The following CDH18 variants were observed in gnomAD, a reference collection of about 807,000 sequenced individuals.
CDH18 encodes cadherin-18.
CDH18 carries 31 observed loss-of-function variants against 67.9 expected under a neutral mutation model. The observed-to-expected ratio is 0.46, with a 90% CI of 0.34 to 0.62. CDH18 has a LOEUF of 0.62. CDH18 is among the 20% of genes least tolerant of loss of function. CDH18 has a pLI of 0.01. For missense variants in CDH18, 890 were observed against 975.5 expected (o/e 0.91, Z 1.17); for synonymous variants, 362 against 347.2 (o/e 1.04, Z -0.48).
intron 3 of CDH18, among the ~76,000 whole-genome samples, chr5:19,753,311 T>C (rs913181705): frequency 6.6e-6 from 1 of 151,944 alleles, no homozygotes; most frequent in African/African-American, 2.4e-5. Context: ...AAGGGAGAAA[T>C]AGTCAATGAA....
chr5:19,940,487 G>GA (rs1361131758), intron 2 of CDH18, among the ~76,000 whole-genome samples: 5 of 151,890 alleles, frequency 3.3e-5, no homozygotes, highest in African/African-American at 1.2e-4. Context: ...CTACACTTAG[G>GA]AAAAAAATCC....
intron 2 of CDH18, among the ~76,000 whole-genome samples, chr5:20,044,709 TG>T (rs1444426122): frequency 6.6e-6 from 1 of 152,138 alleles, no homozygotes; most frequent in African/African-American, 2.4e-5. Flanking sequence ...GCTAGATTTA[TG>T]TAAGCAGTTA....
chr5:19,719,935 AAGAAAG>A (rs1052680655), intron 5 of CDH18, among the ~76,000 whole-genome samples: 1 of 151,366 alleles, frequency 6.6e-6, no homozygotes, highest in African/African-American at 2.4e-5. Flanking sequence ...GAAAGAAAGA[AAGAAAG>A]AAAGAAAGAA....
intron 2 of CDH18, among the ~76,000 whole-genome samples, chr5:19,897,242 G>GA (rs952206535): frequency 2.0e-5 from 3 of 151,922 alleles, no homozygotes; most frequent in Non-Finnish European, 2.9e-5. Context: ...AAGCCACAGT[G>GA]AAAAAAAGAA....
chr5:20,278,177 A>C lies in CDH18; in HGVS notation c.-579-22672T>G, dbSNP rs141385457. Among the ~76,000 whole-genome samples, 500 of 152,278 alleles carry C rather than the reference A, an allele frequency of 3.3e-3. 7 individuals carry two copies. The highest frequency in any genetic ancestry group is 0.026 in the South Asian group (127 of 4,828). ...ACAAGAAAGTTATAGAACACCAAGC[A>C]GATGTAACAGAAATAAACTATGTCA... On this transcript the variant is annotated intron_variant, in intron 1 of 14. Transcript: ENST00000507958.
At position 20,014,095 on chromosome 5, in the gene CDH18, C is replaced by T. The variant is rs2388128; in HGVS notation, c.-517-22081G>A. On this transcript the variant is annotated intron_variant, in intron 2 of 14. Coordinates refer to the CDH18 transcript ENST00000507958. ...TATAGAAAATAAGAATAGGCATTCC[C>T]CAAATATGACAGAGAGGCATAGAGG... 8.2e-3 allele frequency among the ~76,000 whole-genome samples: 1,246 copies of T among 152,170 alleles called. 20 individuals carry two copies. Among genetic ancestry groups the T allele is most frequent in the African/African-American group, 0.028 (1,167 of 41,542 alleles).
intron 6 of CDH18, among the ~76,000 whole-genome samples, chr5:19,604,565 A>G: frequency 6.6e-6 from 1 of 151,458 alleles, no homozygotes; most frequent in Non-Finnish European, 1.5e-5. Flanking sequence ...ACACACACAC[A>G]CACACACACA....
chr5:19,723,062 T>C (rs1335902971), intron 4 of CDH18, among the ~76,000 whole-genome samples: 1 of 151,996 alleles, frequency 6.6e-6, no homozygotes, highest in Non-Finnish European at 1.5e-5. Context: ...GAATTTTTTT[T>C]TGTTAACACA....
intron 1 of CDH18, among the ~76,000 whole-genome samples, chr5:19,985,380 G>T (rs1348424883): frequency 6.6e-6 from 1 of 152,080 alleles, no homozygotes; most frequent in Non-Finnish European, 1.5e-5. Flanking sequence ...TTCCCACTGA[G>T]TGGTTCTCAA....
At chr5:19,898,404 T>C (rs1337232690) in intron 2 of CDH18, among the ~76,000 whole-genome samples, 1 of 152,032 alleles carries the variant, frequency 6.6e-6, no homozygotes, top group Non-Finnish European at 1.5e-5. Flanking sequence ...TAGTGATATA[T>C]AGGCAATATT....
chr5:19,731,418 T>C (rs748519368), intron 4 of CDH18, among the ~76,000 whole-genome samples: 1 of 152,036 alleles, frequency 6.6e-6, no homozygotes, highest in Non-Finnish European at 1.5e-5. Context: ...CCCACTGCAC[T>C]CCAGCCTGGG....
intron 1 of CDH18, among the ~76,000 whole-genome samples, chr5:20,381,483 G>A (rs11738758): frequency 6.6e-6 from 1 of 152,022 alleles, no homozygotes; most frequent in African/African-American, 2.4e-5. Flanking sequence ...GTTGTCTCAA[G>A]GGGTCCCACT....
chr5:20,505,487 T>C (rs1439672319), intron 1 of CDH18, among the ~76,000 whole-genome samples: 1 of 152,216 alleles, frequency 6.6e-6, no homozygotes, highest in African/African-American at 2.4e-5. Flanking sequence ...AACTAATATT[T>C]CATAATTTCA....
At position 19,868,570 on chromosome 5, in the gene CDH18, G is replaced by A. The variant is rs761119167; in HGVS notation, c.-256-29328C>T. 7.9e-5 allele frequency among the ~76,000 whole-genome samples: 12 copies of A among 152,244 alleles called. No homozygotes were observed. In the Middle Eastern group the frequency reaches 0.02, roughly 259 times the overall value. ...ATTATAGTTTGACTCAGACTCAAAC[G>A]TACCACTTTGTGGAAAATATGTATA... On this transcript the variant is annotated intron_variant, in intron 2 of 12. Transcript: ENST00000382275.
intron 2 of CDH18, among the ~76,000 whole-genome samples, chr5:19,850,739 G>A (rs1467405393): frequency 6.6e-6 from 1 of 151,766 alleles, no homozygotes; most frequent in Non-Finnish European, 1.5e-5. Flanking sequence ...ATTGTTTAAG[G>A]TGTTACTAAA....
At chr5:19,985,337 A>G (rs1283384865) in intron 1 of CDH18, among the ~76,000 whole-genome samples, 1 of 152,056 alleles carries the variant, frequency 6.6e-6, no homozygotes, top group African/African-American at 2.4e-5. Context: ...ACTTTTTTCT[A>G]TATACATCCT....
In CDH18 at chr5:20,527,128, T is replaced by C. The variant is rs111281188; in HGVS notation, c.-580+48334A>G. Among the ~76,000 whole-genome samples, 27 of 152,158 alleles carry C rather than the reference T, an allele frequency of 1.8e-4. 3 individuals are homozygous for C. The highest frequency in any genetic ancestry group is 6.3e-4 in the African/African-American group (26 of 41,462). On this transcript the variant is annotated intron_variant, in intron 1 of 14. Coordinates refer to the CDH18 transcript ENST00000507958. ...TTTATGATGAAAACACAAGTATCAA[T>C]AGCTGAACCAAACAACTGGAAGAGA... is the stretch of plus-strand genomic sequence containing the variant.
At chr5:19,952,279 G>C (rs975644080) in intron 2 of CDH18, among the ~76,000 whole-genome samples, 2 of 152,138 alleles carry the variant, frequency 1.3e-5, no homozygotes, top group Non-Finnish European at 2.9e-5. Context: ...TCAATCTCCT[G>C]ACCTTGTGAT....
intron 11 of CDH18, among the ~76,000 whole-genome samples, chr5:19,485,874 G>A (rs1740316730): frequency 6.6e-6 from 1 of 152,162 alleles, no homozygotes; most frequent in African/African-American, 2.4e-5. Context: ...AACATGCAGT[G>A]TAGATGGCGG....
Sources: allele counts gnomAD v4.1 joint callset (sites outside exome capture counted in the v4.1 genomes callset), GRCh38; gene constraint gnomAD v4.1.1; transcripts MANE v1.5; gene names NCBI Gene and HGNC (gene_info 2026-07-23, HGNC 2026-07-21).